Variants in FRK observed in about 807,000 individuals in gnomAD.
FRK encodes fyn related Src family tyrosine kinase.
Under a neutral mutation model 56.4 loss-of-function variants are expected in FRK, and 51 were observed. The ratio of observed to expected loss-of-function variants is 0.90; its 90% CI spans 0.72 to 1.14. The LOEUF (loss-of-function observed/expected upper bound fraction) is 1.14. Ranked by LOEUF, FRK falls within the 50% of genes most tolerant of loss-of-function variation. The pLI is 0.00. For synonymous variants in FRK, 245 were observed against 217.9 expected (o/e 1.12, Z -1.10); for missense variants, 570 against 601.4 (o/e 0.95, Z 0.55).
chr6:115,942,833 G>A (rs192383690), intron 7 of FRK, among the ~76,000 whole-genome samples, 187 bp downstream of exon 7: 1 of 152,128 alleles, frequency 6.6e-6, no homozygotes, highest in Non-Finnish European at 1.5e-5. Context: ...CACTAGCAAA[G>A]GAGAGGGAAG....
chr6:115,952,009 C>T (rs1316984200), intron 5 of FRK, among the ~76,000 whole-genome samples: 8 of 152,166 alleles, frequency 5.3e-5, no homozygotes, highest in South Asian at 2.1e-4. Flanking sequence ...TCATGTCCTT[C>T]GCCCACTTTT....
At chr6:116,018,213 C>T (rs1465046847) in intron 1 of FRK, among the ~76,000 whole-genome samples, 1 of 152,198 alleles carries the variant, frequency 6.6e-6, no homozygotes, top group African/African-American at 2.4e-5. Flanking sequence ...TCCTACCCAA[C>T]CCTTACTCCA....
In FRK at chr6:115,972,998, ATG is replaced by A. The variant is rs1285837026; in HGVS notation, c.467-4261_467-4260del. Among the ~76,000 whole-genome samples, 3 of 152,200 alleles carry A rather than the reference ATG, an allele frequency of 2.0e-5. No homozygotes were observed. The East Asian group carries it at 5.8e-4, about 29-fold the overall frequency. On this transcript the variant is annotated intron_variant, in intron 2 of 7. Transcript: ENST00000606080. ...TATTATGTCATCTGTGTTCAGGAAA[ATG>A]TGTTACTTTCAGCAGTGATATCATT...
chr6:116,091,615 G>A, the FRK span, among the ~76,000 whole-genome samples: 8 of 152,146 alleles, frequency 5.3e-5, no homozygotes, highest in South Asian at 1.0e-3. Flanking sequence ...GAGTACCATC[G>A]GACCCCTTTC....
Position 115,936,816 on chromosome 6 carries a change from T to C in FRK, c.*5598A>G, listed in dbSNP as rs868382642. On this transcript the variant is annotated 3_prime_UTR_variant, in exon 8 of 8. Coordinates refer to ENST00000606080, the MANE Select transcript of FRK (RefSeq NM_002031.3). Reference sequence around the variant, plus strand: ...GAACTAACAAAGCCTCCAAGAAATATGGGATTATGTGAAAACACCAAGTCT... The same window carrying C: ...GAACTAACAAAGCCTCCAAGAAATACGGGATTATGTGAAAACACCAAGTCT... 1 of 152,040 alleles carries C rather than the reference T, an allele frequency of 6.6e-6. No individual in the cohort carries two copies. The highest frequency in any genetic ancestry group is 2.1e-4 in the South Asian group (1 of 4,814). 9.4% of individuals were successfully genotyped at this position (152,040 alleles called of 1,614,324 possible).
chr6:116,057,296 G>A (rs1582767762), intron 1 of FRK, among the ~76,000 whole-genome samples: 1 of 152,036 alleles, frequency 6.6e-6, no homozygotes, highest in Non-Finnish European at 1.5e-5. Flanking sequence ...GAAAAAAATA[G>A]ACTTTTGAAA....
intron 5 of FRK, among the ~76,000 whole-genome samples, chr6:115,950,304 A>G (rs1439980243): frequency 1.3e-5 from 2 of 152,238 alleles, no homozygotes; most frequent in African/African-American, 4.8e-5. Context: ...GCTAATACCA[A>G]GAATCTACAG....
upstream of FRK, among the ~76,000 whole-genome samples, chr6:116,061,512 C>T (rs1777624423): frequency 6.6e-6 from 1 of 151,838 alleles, no homozygotes; most frequent in African/African-American, 2.4e-5. Flanking sequence ...GCTGTGGGGG[C>T]TCTTTCTGCT....
At chr6:115,996,396 A>T (rs1429066571) in intron 2 of FRK, among the ~76,000 whole-genome samples, 1 of 152,242 alleles carries the variant, frequency 6.6e-6, no homozygotes, top group East Asian at 1.9e-4. Context: ...TGGTAGCTGA[A>T]GGGTCTGTAT....
intron 1 of FRK, among the ~76,000 whole-genome samples, chr6:116,009,647 T>A (rs559919022): frequency 7.0e-4 from 107 of 152,260 alleles, no homozygotes; most frequent in African/African-American, 2.5e-3. Flanking sequence ...ATTAAACTCA[T>A]GATATGAAAA....
chr6:115,961,992 G>A (rs1218704495), intron 4 of FRK, among the ~76,000 whole-genome samples: 2 of 92,582 alleles, frequency 2.2e-5, no homozygotes, highest in African/African-American at 9.3e-5. Flanking sequence ...ATCAACTAAC[G>A]AGCAAAATCA....
upstream of FRK, among the ~76,000 whole-genome samples, chr6:116,061,364 C>T (rs1165868481): frequency 6.6e-6 from 1 of 151,162 alleles, no homozygotes; most frequent in Non-Finnish European, 1.5e-5. Context: ...TTCCCACAGA[C>T]ATTTAATTTC....
the FRK span, among the ~76,000 whole-genome samples, chr6:116,068,393 A>T: frequency 6.6e-6 from 1 of 152,200 alleles, no homozygotes; most frequent in Non-Finnish European, 1.5e-5. Context: ...TAAAAAGAAA[A>T]AAAAAAGATG....
At chr6:116,091,839 C>A in the FRK span, among the ~76,000 whole-genome samples, 1 of 152,076 alleles carries the variant, frequency 6.6e-6, no homozygotes, top group Non-Finnish European at 1.5e-5. Context: ...CTGGGCTGAG[C>A]CGAGGGTCGA....
At chr6:115,942,656 CA>C (rs549712773) in intron 7 of FRK, 31 bp from the exon 8 acceptor site, 65 of 1,544,074 alleles carry the variant, frequency 4.2e-5, no homozygotes, top group African/African-American at 2.9e-4. Context: ...CCAACAACAA[CA>C]AAAAAAACAA....
At chr6:116,063,637 A>G (rs1562313364), upstream of FRK, among the ~76,000 whole-genome samples, 1 of 152,190 alleles carries the variant, frequency 6.6e-6, no homozygotes, top group Non-Finnish European at 1.5e-5. Flanking sequence ...TAAGTATTCC[A>G]TTCGAGACTG....
upstream of FRK, among the ~76,000 whole-genome samples, chr6:116,063,505 A>G (rs912546639): frequency 1.3e-5 from 2 of 152,200 alleles, no homozygotes; most frequent in African/African-American, 4.8e-5. Context: ...CTAAAAAAAA[A>G]AAAAATCCAA....
chr6:116,080,986 G>A, the FRK span, among the ~76,000 whole-genome samples: 7 of 152,316 alleles, frequency 4.6e-5, no homozygotes, highest in South Asian at 1.5e-3. Flanking sequence ...CATGGCTGGG[G>A]AGGCCTCACA....
chr6:116,048,948 C>A (rs763829736), intron 1 of FRK, among the ~76,000 whole-genome samples: 6 of 150,494 alleles, frequency 4.0e-5, no homozygotes, highest in Non-Finnish European at 8.9e-5. Flanking sequence ...GATCCTTATT[C>A]TTGGGATTGT....
Sources: gnomAD v4.1 joint callset for allele counts (sites outside exome capture counted in the v4.1 genomes callset) on GRCh38, gnomAD v4.1.1 for gene constraint, MANE v1.5 for transcripts, NCBI Gene and HGNC (gene_info 2026-07-23, HGNC 2026-07-21) for gene names.